Variants in KCTD3 observed in about 807,000 individuals in gnomAD.
The protein encoded by KCTD3 is potassium channel tetramerization domain containing 3.
Under a neutral mutation model 85.8 loss-of-function variants are expected in KCTD3, and 41 were observed. The ratio of observed to expected loss-of-function variants is 0.48; its 90% CI spans 0.37 to 0.62. The LOEUF is 0.62. Ranked by LOEUF, KCTD3 falls within the 20% of genes least tolerant of loss-of-function variation. The pLI is 0.00. For missense variants in KCTD3, 724 were observed against 989.9 expected, an observed-to-expected ratio of 0.73 and a Z score of 3.60; for synonymous variants, 338 against 345.4, an observed-to-expected ratio of 0.98 and a Z score of 0.24.
intron 13 of KCTD3, among the ~76,000 whole-genome samples, chr1:215,607,171 T>C (rs888820491): frequency 3.9e-5 from 6 of 151,974 alleles, no homozygotes; most frequent in African/African-American, 7.2e-5. Context: ...GTAAATATTA[T>C]GTATGTGTGT....
chr1:215,620,745 T>C lies in KCTD3; in HGVS notation c.*127T>C. On this transcript the variant is annotated 3_prime_UTR_variant, in exon 18 of 18. Transcript: ENST00000259154. ...AATTGGACTTCATTTAGTATCTTTT[T>C]AACAGAATTACTTGGAATAATGAGA... 2 of 635,342 alleles carry C rather than the reference T, an allele frequency of 3.1e-6. No homozygotes were observed. The highest frequency in any genetic ancestry group is 5.4e-5 in the South Asian group (2 of 36,936). 39.4% of individuals were successfully genotyped at this position (635,342 alleles called of 1,614,324 possible).
chr1:215,603,529 A>C (rs1654909680), intron 12 of KCTD3, among the ~76,000 whole-genome samples: 1 of 152,172 alleles, frequency 6.6e-6, no homozygotes. Flanking sequence ...GATGTAAGCA[A>C]TGTAATGGGT....
intron 9 of KCTD3, among the ~76,000 whole-genome samples, chr1:215,591,339 C>T (rs1450267102): frequency 7.9e-6 from 1 of 125,972 alleles, no homozygotes; most frequent in South Asian, 2.7e-4. Context: ...TCCTTCCTTC[C>T]TTCCTTCTCT....
chr1:215,569,225 G>A (rs1026013536), intron 1 of KCTD3, among the ~76,000 whole-genome samples: 2 of 149,726 alleles, frequency 1.3e-5, no homozygotes, highest in Non-Finnish European at 3.0e-5. Context: ...AGTTTCAAGC[G>A]ATTCTCCTGC....
chr1:215,577,851 G>T lies in KCTD3; in HGVS notation c.316+123G>T. On this transcript the variant is annotated intron_variant, in intron 5 of 17. Coordinates refer to ENST00000259154, the MANE Select transcript of KCTD3 (RefSeq NM_016121.5). ...ACTTGTTCAGTGCTTAGTTTTTGTG[G>T]ATTTTCATAGTAAAAAGATGTTGTC... 3.0e-6 allele frequency: 4 copies of T among 1,354,592 alleles called. No individual in the cohort carries two copies. In the South Asian group the frequency reaches 5.2e-5, roughly 18 times the overall value. 83.9% of individuals were successfully genotyped at this position (1,354,592 alleles called of 1,614,324 possible).
At chr1:215,610,459 G>C (rs1038641448) in intron 14 of KCTD3, among the ~76,000 whole-genome samples, 1 of 151,860 alleles carries the variant, frequency 6.6e-6, no homozygotes, top group African/African-American at 2.4e-5. Flanking sequence ...CGAGGGCAAA[G>C]AAGGTATGAA....
At chr1:215,571,209 A>G (rs1354669627) in intron 1 of KCTD3, among the ~76,000 whole-genome samples, 1 of 152,262 alleles carries the variant, frequency 6.6e-6, no homozygotes, top group Non-Finnish European at 1.5e-5. Context: ...GATGGCCTCC[A>G]AAACAGTGAA....
rs1655655201 is a variant in KCTD3 at position 215,620,798 on chromosome 1, T to A, written c.*180T>A. ...CAATAATCATATCTCTTTTGACATT[T>A]TGGAAATTTTTTTAATTTTACAAGT... On this transcript the variant is annotated 3_prime_UTR_variant, in exon 18 of 18. Transcript: ENST00000259154. 3.9e-6 allele frequency: 2 copies of A among 515,846 alleles called. No homozygotes were observed. The highest frequency in any genetic ancestry group is 6.7e-6 in the Non-Finnish European group (2 of 298,508). The allele number at this position is 515,846 out of a possible 1,614,324, so 32.0% of individuals were successfully genotyped here.
chr1:215,619,696 A>G (rs1655589642), intron 17 of KCTD3, among the ~76,000 whole-genome samples: 1 of 152,260 alleles, frequency 6.6e-6, no homozygotes, highest in Non-Finnish European at 1.5e-5. Context: ...TTTTAATACA[A>G]AGTTCCATAA....
intron 10 of KCTD3, among the ~76,000 whole-genome samples, chr1:215,598,158 T>C (rs1379386370): frequency 6.6e-6 from 1 of 152,078 alleles, no homozygotes; most frequent in East Asian, 1.9e-4. Context: ...GTAGGAGGCA[T>C]GATTTCATGG....
chr1:215,573,825 T>C lies in KCTD3; in HGVS notation c.123T>C (p.Asp41=). The C allele has an allele frequency of 6.4e-7, 1 of 1,569,082 alleles. No individual in the cohort carries two copies. Among genetic ancestry groups the C allele is most frequent in the South Asian group, 1.2e-5 (1 of 86,918 alleles). Reference sequence around the variant, plus strand: ...GACAAACTCTTATGTGGATTCCAGATTCTTTTTTTTCCAGGTATGTCTTAT... The same window carrying C: ...GACAAACTCTTATGTGGATTCCAGACTCTTTTTTTTCCAGGTATGTCTTAT... ...TSRQTLMWIP[D]SFFSSLLSGR... is the part of the protein sequence containing the mutation. Residue 41 remains aspartate (D), a synonymous_variant, in exon 2 of 18, where the codon GAT becomes GAC. Transcript: ENST00000259154.
chr1:215,605,469 G>A (rs576630868), intron 13 of KCTD3, among the ~76,000 whole-genome samples: 68 of 152,018 alleles, frequency 4.5e-4, no homozygotes, highest in Non-Finnish European at 8.5e-4. Flanking sequence ...GATTGCCCTT[G>A]AGCTCTTTCC....
At chr1:215,609,091 C>T (rs1475723383) in intron 14 of KCTD3, among the ~76,000 whole-genome samples, 2 of 151,900 alleles carry the variant, frequency 1.3e-5, no homozygotes, top group African/African-American at 2.4e-5. Context: ...AAAAAGAACC[C>T]GGAGGAGATA....
chr1:215,587,603 T>C (rs1057405603), intron 9 of KCTD3, among the ~76,000 whole-genome samples: 1 of 152,210 alleles, frequency 6.6e-6, no homozygotes, highest in African/African-American at 2.4e-5. Context: ...GTTTTGTAAA[T>C]CTCTTTTTGA....
Position 215,602,140 on chromosome 1 carries a change from G to A in KCTD3, c.1077G>A (p.Leu359=). ...ATAATGATCTTCTTGTAACTGAACT[G>A]TATCATGATCCTTCAAATGATGCTA... ...MKDNDLLVTE[L]YHDPSNDAIT... Residue 359 remains leucine (L), a synonymous_variant, in exon 12 of 18, where the codon CTG becomes CTA. Coordinates refer to ENST00000259154, the MANE Select transcript of KCTD3 (RefSeq NM_016121.5). 6.2e-7 allele frequency: 1 copy of A among 1,611,794 alleles called. No homozygotes were observed. Among genetic ancestry groups the A allele is most frequent in the South Asian group, 1.1e-5 (1 of 90,664 alleles).
At chr1:215,599,500 C>T (rs76721467) in intron 10 of KCTD3, among the ~76,000 whole-genome samples, 3 of 152,132 alleles carry the variant, frequency 2.0e-5, no homozygotes, top group African/African-American at 2.4e-5. Flanking sequence ...GTGGTAATCA[C>T]TGTGTGCTAC....
chr1:215,609,614 C>G (rs1255743948), intron 14 of KCTD3, among the ~76,000 whole-genome samples: 1 of 151,656 alleles, frequency 6.6e-6, no homozygotes, highest in African/African-American at 2.4e-5. Flanking sequence ...GCAAGGAAAC[C>G]AGAAAGGAGG....
chr1:215,601,151 G>T (rs1654818400), intron 10 of KCTD3, among the ~76,000 whole-genome samples: 1 of 142,754 alleles, frequency 7.0e-6, no homozygotes, highest in African/African-American at 2.9e-5. Context: ...TAGCTAGGCT[G>T]ATTTCGAATT....
intron 4 of KCTD3, 147 bp from the exon 5 acceptor site, chr1:215,577,523 A>G (rs1659633978): frequency 1.7e-6 from 1 of 582,230 alleles, no homozygotes; most frequent in African/African-American, 1.9e-5. Flanking sequence ...ATGATTAAGG[A>G]TAATAGAAAT....
Sources: allele counts gnomAD v4.1 joint callset (sites outside exome capture counted in the v4.1 genomes callset), GRCh38; gene constraint gnomAD v4.1.1; transcripts MANE v1.5; gene names NCBI Gene and HGNC (gene_info 2026-07-23, HGNC 2026-07-21).